Variants in GARIN5A observed in about 807,000 individuals in gnomAD.
The protein encoded by GARIN5A is golgi associated RAB2 interactor 5A, also known as Golgi-associated RAB2 interactor protein 5A.
chr19:50,467,738 A>G, the GARIN5A span: 1 of 1,608,834 alleles, frequency 6.2e-7, no homozygotes, highest in South Asian at 1.1e-5. Context: ...CGCAGCTGCA[A>G]GTAGAAGGTG....
the GARIN5A span, among the ~76,000 whole-genome samples, chr19:50,474,632 AC>A: frequency 6.6e-6 from 1 of 152,052 alleles, no homozygotes; most frequent in Non-Finnish European, 1.5e-5. Context: ...AGCGTGAGCC[AC>A]CGCACCCGGC....
At chr19:50,471,791 CATGCATGTGT>C in the GARIN5A span, among the ~76,000 whole-genome samples, 726 of 149,978 alleles carry the variant, frequency 4.8e-3, 51 homozygotes, top group African/African-American at 0.015. Flanking sequence ...TATACGCATA[CATGCATGTGT>C]ATACGCATAC....
the GARIN5A span, among the ~76,000 whole-genome samples, chr19:50,470,715 C>T: frequency 1.4e-5 from 2 of 137,998 alleles, no homozygotes; most frequent in Non-Finnish European, 3.1e-5. Context: ...AGTGTAATGG[C>T]GCGATCTTGG....
At chr19:50,475,158 G>A in the GARIN5A span, 1 of 1,065,300 alleles carries the variant, frequency 9.4e-7, no homozygotes. Context: ...TGGCCCCTGA[G>A]GGCTGCTCTG....
chr19:50,467,484 T>G, the GARIN5A span: 1 of 1,010,436 alleles, frequency 9.9e-7, no homozygotes, highest in East Asian at 2.6e-5. Flanking sequence ...CTCTCCTCTC[T>G]TAGACCTGGG....
At chr19:50,476,322 T>G in the GARIN5A span, 2 of 1,590,784 alleles carry the variant, frequency 1.3e-6, no homozygotes, top group Non-Finnish European at 1.7e-6. Flanking sequence ...AAGAGCGGGC[T>G]CCTGATTTGT....
At chr19:50,476,428 G>C in the GARIN5A span, 2 of 1,548,942 alleles carry the variant, frequency 1.3e-6, no homozygotes, top group South Asian at 1.2e-5. Flanking sequence ...GGGTGCCAGT[G>C]CGCAGGTGCC....
At chr19:50,472,202 GTA>G in the GARIN5A span, among the ~76,000 whole-genome samples, 12 of 143,112 alleles carry the variant, frequency 8.4e-5, no homozygotes, top group South Asian at 4.3e-4. Flanking sequence ...ATGTGTGCAT[GTA>G]TATACATGTG....
the GARIN5A span, chr19:50,475,434 C>T: frequency 6.2e-7 from 1 of 1,607,748 alleles, no homozygotes; most frequent in South Asian, 1.1e-5. Flanking sequence ...ACCTCGTTGG[C>T]AACTTCTCCC....
the GARIN5A span, chr19:50,475,326 C>A: frequency 6.3e-7 from 1 of 1,586,320 alleles, no homozygotes; most frequent in African/African-American, 1.3e-5. Flanking sequence ...GGCAGTTACC[C>A]GAAGAGTTGC....
At chr19:50,471,755 T>G in the GARIN5A span, among the ~76,000 whole-genome samples, 1 of 90,376 alleles carries the variant, frequency 1.1e-5, no homozygotes, top group South Asian at 3.3e-4. Flanking sequence ...CATACATGCA[T>G]GTGTATACGC....
At chr19:50,475,774 C>G in the GARIN5A span, 1 of 1,253,536 alleles carries the variant, frequency 8.0e-7, no homozygotes, top group South Asian at 1.2e-5. Context: ...CTTTCCAAGT[C>G]AGGAGGAGGT....
chr19:50,476,611 A>G, the GARIN5A span: 3 of 1,563,014 alleles, frequency 1.9e-6, no homozygotes, highest in East Asian at 2.4e-5. Context: ...AGCAGCGCCC[A>G]GTCGAGCCCG....
the GARIN5A span, among the ~76,000 whole-genome samples, chr19:50,472,735 A>G: frequency 6.6e-6 from 1 of 152,192 alleles, no homozygotes; most frequent in East Asian, 1.9e-4. Context: ...CTCTACAAAA[A>G]AATACAAAAA....
At chr19:50,469,733 G>A in the GARIN5A span, among the ~76,000 whole-genome samples, 45 of 152,242 alleles carry the variant, frequency 3.0e-4, no homozygotes, top group African/African-American at 1.1e-3. Flanking sequence ...ACAACACTGA[G>A]TAGCCAGGTG....
chr19:50,475,713 G>A, the GARIN5A span: 2 of 759,502 alleles, frequency 2.6e-6, no homozygotes, highest in Admixed American at 4.3e-5. Context: ...AGATCACATA[G>A]GAGTTGGGAG....
At chr19:50,476,433 G>C in the GARIN5A span, 7 of 1,550,050 alleles carry the variant, frequency 4.5e-6, no homozygotes, top group Non-Finnish European at 6.1e-6. Context: ...CCAGTGCGCA[G>C]GTGCCGGGGC....
At chr19:50,469,453 T>TG in the GARIN5A span, among the ~76,000 whole-genome samples, 1 of 152,176 alleles carries the variant, frequency 6.6e-6, no homozygotes. Context: ...TCTGCCTGCC[T>TG]GGTAGAGTGG....
At chr19:50,475,752 G>C in the GARIN5A span, 1 of 1,015,166 alleles carries the variant, frequency 9.9e-7, no homozygotes, top group African/African-American at 1.6e-5. Flanking sequence ...GGACGTTATG[G>C]GGGAGCAGGG....
Sources: gnomAD v4.1 joint callset for allele counts (sites outside exome capture counted in the v4.1 genomes callset) on GRCh38, gnomAD v4.1.1 for gene constraint, MANE v1.5 for transcripts, NCBI Gene and HGNC (gene_info 2026-07-23, HGNC 2026-07-21) for gene names.